The following DAB1 variants were observed in gnomAD, a reference collection of about 807,000 sequenced individuals.
The protein encoded by DAB1 is disabled homolog 1.
In DAB1, 15 loss-of-function variants were observed where a neutral mutation model predicts 64.6. The observed-to-expected ratio is 0.23, with a 90% CI of 0.16 to 0.36. The LOEUF is 0.36. Among genes scored for constraint, DAB1 ranks in the 10% least tolerant of loss-of-function variants. The pLI, the probability that DAB1 is intolerant of heterozygous loss-of-function variation, is 1.00. For missense variants in DAB1, 596 were observed against 706.7 expected, an observed-to-expected ratio of 0.84 and a Z score of 1.78; for synonymous variants, 235 against 251.9, an observed-to-expected ratio of 0.93 and a Z score of 0.64.
intron 4 of DAB1, chr1:58,228,892 C>T (rs1013459740): frequency 1.8e-6 from 1 of 551,754 alleles, no homozygotes; most frequent in African/African-American, 1.9e-5. Flanking sequence ...CGCAGGCAAC[C>T]TAACAACAGC....
intron 5 of DAB1, among the ~76,000 whole-genome samples, chr1:57,923,294 C>T (rs1035145082): frequency 1.3e-5 from 2 of 152,176 alleles, no homozygotes; most frequent in Non-Finnish European, 2.9e-5. Flanking sequence ...ATCCTAGCAA[C>T]GTGTGTTATG....
intron 2 of DAB1, among the ~76,000 whole-genome samples, chr1:57,186,856 T>G (rs2100989046): frequency 6.6e-6 from 1 of 152,318 alleles, no homozygotes; most frequent in East Asian, 1.9e-4. Context: ...TAAGGAATAA[T>G]TATGCTCTGT....
Position 57,501,538 on chromosome 1 carries a change from T to C in DAB1, n.625+148054A>G, listed in dbSNP as rs1403984230. ...TAGACACACAGCAACAGATGCCAGATATACCAAGGATTGGAAACATCTGAA... is the reference window on the plus strand; with the variant it reads ...TAGACACACAGCAACAGATGCCAGACATACCAAGGATTGGAAACATCTGAA... On this transcript the variant is annotated intron_variant and non_coding_transcript_variant, in intron 7 of 20. Transcript: ENST00000485760. 3.3e-5 allele frequency among the ~76,000 whole-genome samples: 5 copies of C among 152,190 alleles called. No homozygotes were observed. The East Asian group carries it at 9.6e-4, about 29-fold the overall frequency.
chr1:58,304,251 C>T (rs904208872), intron 4 of DAB1, among the ~76,000 whole-genome samples: 2 of 152,160 alleles, frequency 1.3e-5, no homozygotes, highest in African/African-American at 4.8e-5. Flanking sequence ...AATTTCCACT[C>T]ACTGGTCATG....
At chr1:57,247,215 C>T (rs931889799) in intron 2 of DAB1, among the ~76,000 whole-genome samples, 6 of 152,270 alleles carry the variant, frequency 3.9e-5, no homozygotes, top group Non-Finnish European at 7.4e-5. Context: ...AATCGTCACA[C>T]GTCAGGAGAG....
rs61767499 is a variant in DAB1, at chr1:57,173,040, G to A, written c.68-27611C>T. ...CACTGACAACAATTATGAAGTATTAGTCCTTCATAATATAAAGGTTCTTCT... is the reference window on the plus strand; with the variant it reads ...CACTGACAACAATTATGAAGTATTAATCCTTCATAATATAAAGGTTCTTCT... On this transcript the variant is annotated intron_variant, in intron 2 of 14. Coordinates refer to ENST00000371236, the MANE Select transcript of DAB1 (RefSeq NM_001365792.1). Among the ~76,000 whole-genome samples the A allele has an allele frequency of 8.5e-3, 1,297 of 152,200 alleles. 26 individuals are homozygous for A. The highest frequency in any genetic ancestry group is 0.078 in the East Asian group (404 of 5,166).
At chr1:58,146,527 C>T (rs1654603894) in intron 5 of DAB1, among the ~76,000 whole-genome samples, 1 of 152,150 alleles carries the variant, frequency 6.6e-6, no homozygotes, top group Non-Finnish European at 1.5e-5. Flanking sequence ...CCACTCCTGG[C>T]AATCATGGTT....
At chr1:57,591,995 A>G (rs369466644) in intron 7 of DAB1, among the ~76,000 whole-genome samples, 2 of 152,286 alleles carry the variant, frequency 1.3e-5, no homozygotes, top group African/African-American at 4.8e-5. Flanking sequence ...TAAGTTACAA[A>G]TAAGCCCCAA....
chr1:57,437,262 C>T (rs1685731794), intron 7 of DAB1, among the ~76,000 whole-genome samples: 1 of 152,172 alleles, frequency 6.6e-6, no homozygotes, highest in South Asian at 2.1e-4. Context: ...ATTCTCTTCC[C>T]TTCTGTCCCA....
chr1:57,014,270 T>G (rs1646354695), intron 12 of DAB1, among the ~76,000 whole-genome samples: 1 of 152,218 alleles, frequency 6.6e-6, no homozygotes, highest in South Asian at 2.1e-4. Flanking sequence ...GCACTATCTT[T>G]TTGTTCCCTT....
intron 3 of DAB1, among the ~76,000 whole-genome samples, chr1:58,453,723 C>G (rs1645163378): frequency 6.6e-6 from 1 of 152,206 alleles, no homozygotes; most frequent in Non-Finnish European, 1.5e-5. Context: ...GGTTCTGTTT[C>G]CACCAAGATT....
intron 6 of DAB1, among the ~76,000 whole-genome samples, chr1:57,731,737 G>A (rs549217574): frequency 4.0e-5 from 6 of 151,896 alleles, no homozygotes; most frequent in South Asian, 2.1e-4. Flanking sequence ...CCCAGGAGGC[G>A]GAGGTTGCAG....
chr1:58,435,218 C>T (rs1398019149), intron 3 of DAB1, among the ~76,000 whole-genome samples: 1 of 152,164 alleles, frequency 6.6e-6, no homozygotes, highest in African/African-American at 2.4e-5. Context: ...CTGCATCCTC[C>T]TCCCTCAGGA....
chr1:57,670,395 T>G (rs1028478677), intron 6 of DAB1, among the ~76,000 whole-genome samples: 4 of 152,088 alleles, frequency 2.6e-5, no homozygotes, highest in Non-Finnish European at 4.4e-5. Flanking sequence ...TCAGCCCTGA[T>G]CAATTACCCT....
At chr1:58,326,564 TTC>T (rs1183457144) in intron 4 of DAB1, among the ~76,000 whole-genome samples, 3 of 152,224 alleles carry the variant, frequency 2.0e-5, no homozygotes, top group African/African-American at 4.8e-5. Flanking sequence ...CAGCAAATGC[TTC>T]TTAGTCCTTT....
intron 4 of DAB1, among the ~76,000 whole-genome samples, chr1:58,250,476 T>TAGCAGCAGC (rs748125929): frequency 6.6e-6 from 1 of 152,134 alleles, no homozygotes. Context: ...ACAGCAGCAG[T>TAGCAGCAGC]AGCAGCAGCA....
chr1:57,374,622 T>C (rs1680753782), intron 1 of DAB1, among the ~76,000 whole-genome samples: 1 of 152,224 alleles, frequency 6.6e-6, no homozygotes, highest in Non-Finnish European at 1.5e-5. Context: ...AGACAATTCT[T>C]TCTTCATCTC....
At chr1:57,163,217 C>G (rs1446502663) in intron 2 of DAB1, among the ~76,000 whole-genome samples, 1 of 152,070 alleles carries the variant, frequency 6.6e-6, no homozygotes, top group Non-Finnish European at 1.5e-5. Context: ...CAAGATCATT[C>G]CAGATAGGGA....
At chr1:57,015,820 A>T (rs577799609) in intron 11 of DAB1, among the ~76,000 whole-genome samples, 100 of 152,286 alleles carry the variant, frequency 6.6e-4, no homozygotes, top group Non-Finnish European at 1.1e-3. Flanking sequence ...GGACCCTCTC[A>T]ATTGCATAAG....
Sources: allele counts gnomAD v4.1 joint callset (sites outside exome capture counted in the v4.1 genomes callset), GRCh38; gene constraint gnomAD v4.1.1; transcripts MANE v1.5; gene names NCBI Gene and HGNC (gene_info 2026-07-23, HGNC 2026-07-21).